TMEM116: variants seen among roughly 807,000 people sequenced by gnomAD.
TMEM116 encodes transmembrane protein 116.
A neutral mutation model predicts 44.3 loss-of-function variants in TMEM116; 38 were observed. The ratio of observed to expected loss-of-function variants is 0.86; its 90% CI spans 0.66 to 1.12. The LOEUF (loss-of-function observed/expected upper bound fraction) is 1.12, where lower values mean the gene tolerates loss of function less well. Ranked by LOEUF, TMEM116 falls within the 50% of genes most tolerant of loss-of-function variation. TMEM116 has a pLI of 0.00. For synonymous variants in TMEM116, 132 were observed against 144.8 expected (o/e 0.91, Z 0.64); for missense variants, 354 against 401.7 (o/e 0.88, Z 1.01).
At chr12:111,998,344 T>C (rs1211790157) in intron 3 of TMEM116, among the ~76,000 whole-genome samples, 1 of 152,220 alleles carries the variant, frequency 6.6e-6, no homozygotes, top group Non-Finnish European at 1.5e-5. Context: ...ATATTAATTA[T>C]TGGAGCAGGT....
chr12:111,968,045 A>T (rs1361912621), intron 4 of TMEM116, among the ~76,000 whole-genome samples: 2 of 151,494 alleles, frequency 1.3e-5, no homozygotes, highest in East Asian at 3.9e-4. Context: ...GCTAGAATTC[A>T]TTGGAAAGGG....
At chr12:111,982,632 A>AAATCAATC (rs533025843) in intron 4 of TMEM116, among the ~76,000 whole-genome samples, 2 of 151,884 alleles carry the variant, frequency 1.3e-5, no homozygotes, top group African/African-American at 4.8e-5. Flanking sequence ...TCAATATAGA[A>AAATCAATC]AATCAATCAA....
intron 4 of TMEM116, among the ~76,000 whole-genome samples, chr12:111,962,497 C>T (rs1013253935): frequency 6.6e-6 from 1 of 152,156 alleles, no homozygotes; most frequent in Non-Finnish European, 1.5e-5. Flanking sequence ...ACAGAGGCCT[C>T]AGAAATAACA....
At chr12:111,972,535 C>T (rs1209780647) in intron 4 of TMEM116, among the ~76,000 whole-genome samples, 2 of 152,172 alleles carry the variant, frequency 1.3e-5, no homozygotes, top group Non-Finnish European at 2.9e-5. Flanking sequence ...TGTAATTTTT[C>T]TTTCAAATGC....
rs1593652292 is a variant in TMEM116, at chr12:112,000,890, G to A, written c.78+2910C>T. The A allele has an allele frequency of 7.1e-6, 3 of 424,938 alleles. No homozygotes were observed. The East Asian group carries it at 1.9e-4, about 27-fold the overall frequency. The allele number at this position is 424,938 out of a possible 1,614,324, so 26.3% of individuals were successfully genotyped here. On this transcript the variant is annotated intron_variant, in intron 3 of 10. Coordinates refer to ENST00000552374, the MANE Select transcript of TMEM116 (RefSeq NM_001193531.2). ...CACCAATTCTCTGGTCTATTCTCCA[G>A]CCAATGTTCTTGAGGAATTTCTCTT...
At chr12:111,987,293 T>C (rs1412905931) in intron 4 of TMEM116, among the ~76,000 whole-genome samples, 3 of 151,910 alleles carry the variant, frequency 2.0e-5, no homozygotes, top group Non-Finnish European at 4.4e-5. Context: ...TTGCTTGAAG[T>C]CAGGAGTTCA....
intron 3 of TMEM116, 111 bp from the exon 4 acceptor site, chr12:111,992,000 T>G (rs1379785029): frequency 1.7e-5 from 20 of 1,174,868 alleles, no homozygotes; most frequent in Non-Finnish European, 2.3e-5. Context: ...ATCATTTTTC[T>G]GGGGCCTCTG....
chr12:111,970,872 G>A (rs897091311), intron 4 of TMEM116, among the ~76,000 whole-genome samples: 7 of 151,814 alleles, frequency 4.6e-5, no homozygotes, highest in Admixed American at 2.0e-4. Context: ...GATTACAGGC[G>A]TGAGCCACCA....
intron 4 of TMEM116, among the ~76,000 whole-genome samples, chr12:111,985,277 TACAC>T (rs34447209): frequency 1.3e-4 from 19 of 149,010 alleles, no homozygotes; most frequent in South Asian, 8.4e-4. Context: ...CTCTAAAGAT[TACAC>T]ACACACACAC....
At chr12:112,003,431 G>C (rs1198819571) in intron 3 of TMEM116, 1 of 164,786 alleles carries the variant, frequency 6.1e-6, no homozygotes, top group Non-Finnish European at 1.3e-5. Context: ...AGCCGGACGT[G>C]GTGGCGGGTG....
intron 4 of TMEM116, 38 bp downstream of exon 4, chr12:111,991,720 T>C: frequency 2.6e-6 from 4 of 1,523,602 alleles, no homozygotes; most frequent in Non-Finnish European, 3.5e-6. Flanking sequence ...TGAGTGTGCC[T>C]TTCTTGCAAG....
chr12:111,975,935 G>T (rs1187767950), intron 4 of TMEM116, among the ~76,000 whole-genome samples: 1 of 152,170 alleles, frequency 6.6e-6, no homozygotes, highest in Non-Finnish European at 1.5e-5. Flanking sequence ...AGGGGCTTCA[G>T]TGTAATTATA....
chr12:111,993,536 A>G (rs934402304), intron 3 of TMEM116: 7 of 546,568 alleles, frequency 1.3e-5, no homozygotes, highest in South Asian at 9.7e-5. Context: ...GAAGCTGCTA[A>G]GGTTCAAATT....
intron 4 of TMEM116, among the ~76,000 whole-genome samples, chr12:111,969,885 T>C (rs1257655013): frequency 6.6e-6 from 1 of 151,914 alleles, no homozygotes; most frequent in East Asian, 1.9e-4. Context: ...TGGCCTGAGA[T>C]TTTTTTTAAA....
intron 3 of TMEM116, chr12:111,993,274 A>AC (rs1206654041): frequency 3.1e-5 from 14 of 456,402 alleles, no homozygotes; most frequent in Admixed American, 2.0e-4. Flanking sequence ...ATGCAGGTGG[A>AC]CCCCCAAAAG....
intron 4 of TMEM116, among the ~76,000 whole-genome samples, chr12:111,953,627 C>T (rs969056839): frequency 2.6e-5 from 4 of 152,174 alleles, no homozygotes; most frequent in African/African-American, 4.8e-5. Context: ...TAACAACTGC[C>T]GTCTAACCTT....
At chr12:111,990,289 G>A (rs2076483899) in intron 4 of TMEM116, among the ~76,000 whole-genome samples, 1 of 151,008 alleles carries the variant, frequency 6.6e-6, no homozygotes, top group South Asian at 2.1e-4. Flanking sequence ...AACCACATCT[G>A]TACCAAGCAC....
chr12:111,992,004 G>T, intron 3 of TMEM116, 115 bp from the exon 4 acceptor site: 11 of 1,149,024 alleles, frequency 9.6e-6, no homozygotes, highest in Non-Finnish European at 1.3e-5. Flanking sequence ...TTTTTCTGGG[G>T]CCTCTGCCAT....
At chr12:111,985,402 A>C (rs1329285970) in intron 4 of TMEM116, among the ~76,000 whole-genome samples, 1 of 152,184 alleles carries the variant, frequency 6.6e-6, no homozygotes, top group African/African-American at 2.4e-5. Flanking sequence ...TGAACAATCC[A>C]AAAAAGAAAT....
Sources: gnomAD v4.1 joint callset for allele counts (sites outside exome capture counted in the v4.1 genomes callset) on GRCh38, gnomAD v4.1.1 for gene constraint, MANE v1.5 for transcripts, NCBI Gene and HGNC (gene_info 2026-07-23, HGNC 2026-07-21) for gene names.